Variants in C8orf33 observed in about 807,000 individuals in gnomAD.
C8orf33 encodes chromosome 8 open reading frame 33.
A neutral mutation model predicts 25.7 loss-of-function variants in C8orf33; 28 were observed. That is an observed-to-expected ratio of 1.09 (90% CI 0.81 to 1.49). C8orf33 has a LOEUF of 1.49. C8orf33 is among the 40% of genes most tolerant of loss of function. The pLI is 0.00. For synonymous variants in C8orf33, 153 were observed against 115.9 expected, an observed-to-expected ratio of 1.32 and a Z score of -2.06; for missense variants, 369 against 294.4, an observed-to-expected ratio of 1.25 and a Z score of -1.85.
At position 145,052,766 on chromosome 8, in the gene C8orf33, G is replaced by T; in HGVS notation, c.187G>T (p.Glu63Ter). The change falls in exon 2 of 5, where the codon GAA (glutamate) becomes TAA (stop). Residue 63 changes from glutamate (E) to a stop codon, truncating the protein, a stop_gained. Transcript: ENST00000331434. LOFTEE classifies it high-confidence loss of function. The part of the protein sequence containing the change: ...ADSRAHPLGD[E>*]GGTASKKQKN... ...CTCCAGAGCGCACCCGTTGGGCGAT[G>T]AAGGCGGCACAGCGTCGAAAAAACA... 6.2e-7 allele frequency: 1 copy of T among 1,614,220 alleles called. No individual in the cohort carries two copies. The highest frequency in any genetic ancestry group is 8.5e-7 in the Non-Finnish European group (1 of 1,180,036).
At position 145,054,308 on chromosome 8, in the gene C8orf33, GTGAGACC is replaced by G. The variant is rs1238693876; in HGVS notation, c.*152_*158del. 1.2e-6 allele frequency: 1 copy of G among 816,888 alleles called. No individual in the cohort carries two copies. The highest frequency in any genetic ancestry group is 1.9e-6 in the Non-Finnish European group (1 of 532,212). The allele number at this position is 816,888 out of a possible 1,614,324, so 50.6% of individuals were successfully genotyped here. On this transcript the variant is annotated 3_prime_UTR_variant, in exon 5 of 5. Coordinates refer to ENST00000331434, the MANE Select transcript of C8orf33 (RefSeq NM_023080.3). ...AAGGATTTGTAGCTGTTGTGAAGGT[GTGAGACC>G]ATCAGATAGGCAAAAGACCCCGTTC...
Position 145,052,816 on chromosome 8 carries a change from C to T in C8orf33, c.237C>T (p.Asn79=). Residue 79 remains asparagine (N), a synonymous_variant, in exon 2 of 5, where the codon AAC becomes AAT. Coordinates refer to ENST00000331434, the MANE Select transcript of C8orf33 (RefSeq NM_023080.3). ...AAAAGAATAAGAAGAAAACGCGGAACAGGGCCTCTGTGGCAAATGGAGGCG... is the reference window on the plus strand; with the variant it reads ...AAAAGAATAAGAAGAAAACGCGGAATAGGGCCTCTGTGGCAAATGGAGGCG... ...KKQKNKKKTR[N]RASVANGGEK... is the part of the protein sequence containing the mutation. The T allele has an allele frequency of 6.2e-7, 1 of 1,614,040 alleles. No homozygotes were observed. Among genetic ancestry groups the T allele is most frequent in the East Asian group, 2.2e-5 (1 of 44,886 alleles).
intron 4 of C8orf33, 141 bp from the exon 5 acceptor site, chr8:145,053,877 G>T: frequency 9.5e-7 from 1 of 1,055,942 alleles, no homozygotes; most frequent in Non-Finnish European, 1.4e-6. Context: ...GGGGATGATA[G>T]TAATATCAAC....
rs1835352009 is a variant in C8orf33 at position 145,055,673 on chromosome 8, T to G, written c.*1516T>G. ...GCCTGTCTCCCTGTGATGCTGTGCTTCAGTGGTCACGCTCCTAGTCCGCTT... is the reference window on the plus strand; with the variant it reads ...GCCTGTCTCCCTGTGATGCTGTGCTGCAGTGGTCACGCTCCTAGTCCGCTT... On this transcript the variant is annotated 3_prime_UTR_variant, in exon 5 of 5. Coordinates refer to ENST00000331434, the MANE Select transcript of C8orf33 (RefSeq NM_023080.3). The G allele has an allele frequency of 3.3e-5, 5 of 153,260 alleles. No homozygotes were observed. The Admixed American group carries it at 3.3e-4, about 10-fold the overall frequency. 9.5% of individuals were successfully genotyped at this position (153,260 alleles called of 1,614,324 possible). A position where few individuals can be genotyped will look rare whatever the true frequency, so the allele number is the denominator to read the frequency against.
chr8:145,054,009 C>A lies in C8orf33; in HGVS notation c.551-9C>A. 1.9e-6 allele frequency: 3 copies of A among 1,613,298 alleles called. No individual in the cohort carries two copies. Among genetic ancestry groups the A allele is most frequent in the Non-Finnish European group, 2.5e-6 (3 of 1,179,936 alleles). Reference sequence around the variant, plus strand: ...CAGTTCTGACATACGCTGCTTCTCTCCCCGACAGCTGCTTATTCAGCCCAG... The same window carrying A: ...CAGTTCTGACATACGCTGCTTCTCTACCCGACAGCTGCTTATTCAGCCCAG... On this transcript the variant is annotated splice_polypyrimidine_tract_variant and intron_variant, in intron 4 of 4. Transcript: ENST00000331434.
intron 1 of C8orf33, 36 bp from the exon 2 acceptor site, chr8:145,052,550 C>T (rs767838512): frequency 6.2e-7 from 1 of 1,600,830 alleles, no homozygotes; most frequent in Non-Finnish European, 8.5e-7. Flanking sequence ...TTGTTGGCGG[C>T]TCTCGGTGAC....
rs373931353 is a variant in C8orf33 at position 145,052,514 on chromosome 8, A to G, written c.6+17A>G. On this transcript the variant is annotated intron_variant, in intron 1 of 4. Coordinates refer to ENST00000331434, the MANE Select transcript of C8orf33 (RefSeq NM_023080.3). ...CGCATGGCGGTGAGCGGTGTGGAGAAGACGCGCGGGTGGCTGGGCCTTGCA... is the reference window on the plus strand; with the variant it reads ...CGCATGGCGGTGAGCGGTGTGGAGAGGACGCGCGGGTGGCTGGGCCTTGCA... 3 of 1,599,656 alleles carry G rather than the reference A, an allele frequency of 1.9e-6. No individual in the cohort carries two copies. The African/African-American group carries it at 4.0e-5, about 21-fold the overall frequency.
At position 145,052,573 on chromosome 8, in the gene C8orf33, C is replaced by A. The variant is rs1300629057; in HGVS notation, c.7-13C>A. ...GGCTCTCGGTGACCCTCGTGCTACCCCCCTTTCTCCAGGCCCTGGGACATC... is the reference window on the plus strand; with the variant it reads ...GGCTCTCGGTGACCCTCGTGCTACCACCCTTTCTCCAGGCCCTGGGACATC... On this transcript the variant is annotated splice_polypyrimidine_tract_variant and intron_variant, in intron 1 of 4. Transcript: ENST00000331434. 1 of 1,602,820 alleles carries A rather than the reference C, an allele frequency of 6.2e-7. No homozygotes were observed. Among genetic ancestry groups the A allele is most frequent in the Non-Finnish European group, 8.5e-7 (1 of 1,179,400 alleles).
Position 145,052,474 on chromosome 8 carries a change from CG to C in C8orf33, c.-16del, listed in dbSNP as rs1563953819. The C allele has an allele frequency of 6.3e-7, 1 of 1,597,710 alleles. No individual in the cohort carries two copies. Among genetic ancestry groups the C allele is most frequent in the South Asian group, 1.1e-5 (1 of 90,976 alleles). On this transcript the variant is annotated 5_prime_UTR_variant, in exon 1 of 5. Transcript: ENST00000331434. ...TCGGACTCTGCGCCCCGCGTAGTTC[CG>C]GTGGCGACTGCGGCGCATGGCGGTG...
intron 1 of C8orf33, 38 bp from the exon 2 acceptor site, chr8:145,052,544 TGGCG>T: frequency 1.2e-6 from 2 of 1,600,876 alleles, no homozygotes; most frequent in Non-Finnish European, 1.7e-6. Flanking sequence ...CTTGCATTGT[TGGCG>T]GCTCTCGGTG....
intron 2 of C8orf33, 62 bp downstream of exon 2, chr8:145,052,959 G>C (rs1835300219): frequency 2.5e-6 from 4 of 1,601,400 alleles, no homozygotes; most frequent in Non-Finnish European, 3.4e-6. Context: ...GGGCACGTGT[G>C]ATCTGGGGTC....
intron 1 of C8orf33, 42 bp from the exon 2 acceptor site, chr8:145,052,544 T>C: frequency 2.5e-6 from 4 of 1,600,876 alleles, no homozygotes; most frequent in Non-Finnish European, 8.5e-7. Context: ...CTTGCATTGT[T>C]GGCGGCTCTC....
Position 145,053,106 on chromosome 8 carries a change from G to A in C8orf33, c.363G>A (p.Leu121=). The A allele has an allele frequency of 5.0e-6, 8 of 1,614,198 alleles. No homozygotes were observed. Among genetic ancestry groups the A allele is most frequent in the Non-Finnish European group, 6.8e-6 (8 of 1,180,040 alleles). The change falls in exon 3 of 5, where the codon CTG becomes CTA. Residue 121 remains leucine, a synonymous_variant. Coordinates refer to ENST00000331434, the MANE Select transcript of C8orf33 (RefSeq NM_023080.3). ...AQELAWCVEQ[L]ELGLKRQKPT... is the part of the protein sequence containing the mutation. ...AATTGGCTTGGTGTGTGGAGCAACT[G>A]GAGCTGGGCCTCAAGAGGCAGAAAC...
Position 145,052,598 on chromosome 8 carries a change from CT to C in C8orf33, c.21del (p.Ala8LeufsTer94). On this transcript the variant is annotated frameshift_variant, in exon 2 of 5. Transcript: ENST00000331434. LOFTEE classifies it high-confidence loss of function. MAALGH[L>X]AGEAAAAPGP... The stretch of plus-strand genomic sequence containing the variant: ...CCCCTTTCTCCAGGCCCTGGGACAT[CT>C]TGCTGGGGAGGCAGCGGCGGCCCCA... The C allele has an allele frequency of 6.2e-7, 1 of 1,607,060 alleles. No individual in the cohort carries two copies. The highest frequency in any genetic ancestry group is 1.7e-4 in the Middle Eastern group (1 of 6,046).
Position 145,052,704 on chromosome 8 carries a change from GTC to G in C8orf33, c.129_130del (p.Cys44ProfsTer8). On this transcript the variant is annotated frameshift_variant, in exon 2 of 5. Coordinates refer to ENST00000331434, the MANE Select transcript of C8orf33 (RefSeq NM_023080.3). LOFTEE classifies it high-confidence loss of function. ...AGCGCCCGGAATCCTTCCACTGTCT[GTC>G]TCTGCCCAGAGCAACCTACGTGCAG... 6.2e-7 allele frequency: 1 copy of G among 1,614,158 alleles called. No individual in the cohort carries two copies. Among genetic ancestry groups the G allele is most frequent in the Non-Finnish European group, 8.5e-7 (1 of 1,180,028 alleles).
chr8:145,054,079 C>T lies in C8orf33; in HGVS notation c.612C>T (p.Val204=). 2 of 1,614,180 alleles carry T rather than the reference C, an allele frequency of 1.2e-6. No homozygotes were observed. The highest frequency in any genetic ancestry group is 1.7e-6 in the Non-Finnish European group (2 of 1,180,028). Residue 204 remains valine (V), a synonymous_variant, in exon 5 of 5, where the codon GTC becomes GTT. Transcript: ENST00000331434. ...CCACCAGAAAGAAGAGCCAAAGGGT[C>T]TGCAGGCCTCGCTCTATATGGAGAG... ...DGATRKKSQR[V]CRPRSIWRAK...
In C8orf33 at chr8:145,053,897, T is replaced by C. The variant is rs1246532176; in HGVS notation, c.551-121T>C. 4.0e-6 allele frequency: 5 copies of C among 1,251,000 alleles called. No individual in the cohort carries two copies. In the South Asian group the frequency reaches 7.1e-5, roughly 18 times the overall value. 77.5% of individuals were successfully genotyped at this position (1,251,000 alleles called of 1,614,324 possible). The stretch of plus-strand genomic sequence containing the variant: ...TGATAGTAATATCAACCTTACAAAT[T>C]TGAGGAATTAATCAGTTAATTTATG... On this transcript the variant is annotated intron_variant, in intron 4 of 4. Transcript: ENST00000331434.
chr8:145,052,711 C>T lies in C8orf33; in HGVS notation c.132C>T (p.Cys44=), dbSNP rs1835293804. The change falls in exon 2 of 5, where the codon TGC becomes TGT. Residue 44 remains cysteine, a synonymous_variant. Transcript: ENST00000331434. ...SARNPSTVCL[C]PEQPTCSNAD... ...GGAATCCTTCCACTGTCTGTCTCTG[C>T]CCAGAGCAACCTACGTGCAGTAACG... 1.9e-6 allele frequency: 3 copies of T among 1,614,172 alleles called. No homozygotes were observed. The highest frequency in any genetic ancestry group is 1.3e-5 in the African/African-American group (1 of 75,052).
In C8orf33 at chr8:145,055,525, AC is replaced by A; in HGVS notation, c.*1371del. On this transcript the variant is annotated 3_prime_UTR_variant, in exon 5 of 5. Coordinates refer to ENST00000331434, the MANE Select transcript of C8orf33 (RefSeq NM_023080.3). ...AGTAGCATCAGTGTCAAGGAAAAAC[AC>A]CCACTACTTAGCAGACTGGGAAAAG... The A allele has an allele frequency of 5.8e-6, 1 of 173,142 alleles. No individual in the cohort carries two copies. The highest frequency in any genetic ancestry group is 1.2e-5 in the Non-Finnish European group (1 of 82,448). The allele number at this position is 173,142 out of a possible 1,614,324, so 10.7% of individuals were successfully genotyped here.
Sources: gnomAD v4.1 joint callset for allele counts on GRCh38, gnomAD v4.1.1 for gene constraint, MANE v1.5 for transcripts, NCBI Gene and HGNC (gene_info 2026-07-23, HGNC 2026-07-21) for gene names.